Variants in PPP2R2B observed in about 807,000 individuals in gnomAD.
The protein encoded by PPP2R2B is protein phosphatase 2 regulatory subunit Bbeta, also known as serine/threonine-protein phosphatase 2A 55 kDa regulatory subunit B beta isoform.
In PPP2R2B, 5 loss-of-function variants were observed where a neutral mutation model predicts 46.0. The observed-to-expected ratio is 0.11, with a 90% CI of 0.06 to 0.23. PPP2R2B has a LOEUF of 0.23. Ranked by LOEUF, PPP2R2B falls within the 10% of genes least tolerant of loss-of-function variation. The pLI, the probability that PPP2R2B is intolerant of heterozygous loss-of-function variation, is 1.00. For synonymous variants in PPP2R2B, 215 were observed against 206.7 expected, an observed-to-expected ratio of 1.04 and a Z score of -0.34; for missense variants, 367 against 575.0, an observed-to-expected ratio of 0.64 and a Z score of 3.70.
chr5:147,062,999 G>T, intron 2 of PPP2R2B, among the ~76,000 whole-genome samples: 2 of 115,458 alleles, frequency 1.7e-5, no homozygotes, highest in African/African-American at 6.4e-5. Flanking sequence ...AGGGAGGGAG[G>T]GGGGAAGAAG....
At chr5:146,843,349 T>A (rs1467973310) in intron 2 of PPP2R2B, among the ~76,000 whole-genome samples, 1 of 152,220 alleles carries the variant, frequency 6.6e-6, no homozygotes, top group East Asian at 1.9e-4. Flanking sequence ...CTTGGAAGCT[T>A]ACAATCAAAT....
At chr5:146,677,216 T>C (rs903642122) in intron 5 of PPP2R2B, among the ~76,000 whole-genome samples, 2 of 152,240 alleles carry the variant, frequency 1.3e-5, no homozygotes, top group African/African-American at 4.8e-5. Flanking sequence ...GACAGAGTTT[T>C]CGCTTTGTAT....
At chr5:147,043,026 GT>G (rs1474127918) in intron 1 of PPP2R2B, among the ~76,000 whole-genome samples, 4 of 152,076 alleles carry the variant, frequency 2.6e-5, no homozygotes, top group African/African-American at 9.7e-5. Context: ...GCTTGTTTGC[GT>G]TATTTCTAGG....
At chr5:146,724,542 G>A (rs79168900) in intron 2 of PPP2R2B, among the ~76,000 whole-genome samples, 252 of 152,220 alleles carry the variant, frequency 1.7e-3, no homozygotes, top group Non-Finnish European at 2.7e-3. Context: ...TAGTTGCAGT[G>A]AGAAAAATCT....
intron 2 of PPP2R2B, among the ~76,000 whole-genome samples, chr5:146,726,885 C>T (rs1414415681): frequency 6.6e-6 from 1 of 152,160 alleles, no homozygotes; most frequent in Non-Finnish European, 1.5e-5. Context: ...AAACCCAGTT[C>T]TGTGGCTATG....
At chr5:146,880,179 TTGTGTGTGTGTGTGTGTGTGTG>T (rs57151657), upstream of PPP2R2B, among the ~76,000 whole-genome samples, 1 of 138,158 alleles carries the variant, frequency 7.2e-6, no homozygotes. Flanking sequence ...CATAGTTATT[TTGTGTGTGTGTGTGTGTGTGTG>T]TGTGTGTGTG....
chr5:146,636,108 T>G (rs1317305859), intron 7 of PPP2R2B, among the ~76,000 whole-genome samples: 1 of 152,208 alleles, frequency 6.6e-6, no homozygotes, highest in Non-Finnish European at 1.5e-5. Context: ...CTTTCCTACC[T>G]TTATTCACAT....
At chr5:146,711,880 T>C (rs1780230249) in intron 2 of PPP2R2B, among the ~76,000 whole-genome samples, 1 of 152,170 alleles carries the variant, frequency 6.6e-6, no homozygotes, top group Non-Finnish European at 1.5e-5. Flanking sequence ...CAAAGAATTT[T>C]TTTTTTCCTA....
At chr5:146,825,292 C>T (rs1364057413) in intron 2 of PPP2R2B, among the ~76,000 whole-genome samples, 2 of 152,154 alleles carry the variant, frequency 1.3e-5, no homozygotes, top group South Asian at 2.1e-4. Flanking sequence ...AGGAGACACA[C>T]ATTCAGAAAT....
At chr5:146,987,540 A>T (rs1459351524) in intron 1 of PPP2R2B, among the ~76,000 whole-genome samples, 2 of 152,044 alleles carry the variant, frequency 1.3e-5, no homozygotes, top group Non-Finnish European at 2.9e-5. Context: ...TTTGCAATTA[A>T]AGTCAGGTTA....
At chr5:146,670,952 T>C (rs1246683063) in intron 5 of PPP2R2B, among the ~76,000 whole-genome samples, 1 of 152,202 alleles carries the variant, frequency 6.6e-6, no homozygotes, top group African/African-American at 2.4e-5. Flanking sequence ...TTTTAAATTC[T>C]AGCCAGATAG....
intron 4 of PPP2R2B, among the ~76,000 whole-genome samples, chr5:146,692,417 A>C (rs1233781276): frequency 2.0e-5 from 3 of 151,994 alleles, no homozygotes; most frequent in African/African-American, 7.3e-5. Context: ...CAGAACTCCC[A>C]TGAGAACTCC....
chr5:147,023,678 G>A (rs1755391197), intron 1 of PPP2R2B, among the ~76,000 whole-genome samples: 1 of 152,166 alleles, frequency 6.6e-6, no homozygotes, highest in African/African-American at 2.4e-5. Context: ...GTTTGAGTGG[G>A]TTAAGGGATA....
At chr5:146,590,288 G>C in intron 9 of PPP2R2B, 62 bp from the exon 10 acceptor site, 1 of 1,482,990 alleles carries the variant, frequency 6.7e-7, no homozygotes, top group Non-Finnish European at 9.1e-7. Context: ...TGGAGCAAAT[G>C]ATACCATGTT....
intron 5 of PPP2R2B, among the ~76,000 whole-genome samples, chr5:146,661,118 C>G (rs999458129): frequency 8.5e-5 from 13 of 152,110 alleles, no homozygotes; most frequent in African/African-American, 2.2e-4. Flanking sequence ...CAATTAGGAG[C>G]GATTTTGCCA....
chr5:146,789,921 G>C (rs1382022407), intron 2 of PPP2R2B, among the ~76,000 whole-genome samples: 1 of 152,178 alleles, frequency 6.6e-6, no homozygotes, highest in African/African-American at 2.4e-5. Context: ...CCAGATCAGG[G>C]AGACAGAGAA....
intron 5 of PPP2R2B, among the ~76,000 whole-genome samples, chr5:146,683,324 T>C (rs184927958): frequency 6.6e-6 from 1 of 152,332 alleles, no homozygotes; most frequent in Admixed American, 6.5e-5. Context: ...GATGCATATA[T>C]TAGGCATTCT....
chr5:146,745,710 A>G (rs1753148756), intron 2 of PPP2R2B, among the ~76,000 whole-genome samples: 1 of 152,204 alleles, frequency 6.6e-6, no homozygotes, highest in Non-Finnish European at 1.5e-5. Context: ...CTGTAATCTC[A>G]GCACTTTGGG....
In PPP2R2B at chr5:146,632,068, C is replaced by CCT. The variant is rs1554116656; in HGVS notation, c.790+6182_790+6183insAG. ...TACTATGGGCTGAGTTGTGCCCCCC[C>CCT]CCCCGCCCATTCATATATTGAAGTC... On this transcript the variant is annotated intron_variant, in intron 7 of 9. Coordinates refer to ENST00000394411, the MANE Select transcript of PPP2R2B (RefSeq NM_181675.4). Among the ~76,000 whole-genome samples the CCT allele has an allele frequency of 1.9e-3, 250 of 130,762 alleles. 5 individuals carry two copies. Among genetic ancestry groups the CCT allele is most frequent in the Admixed American group, 7.0e-3 (88 of 12,598 alleles). 85.8% of individuals were successfully genotyped at this position (130,762 alleles called of 152,430 possible). A position where few individuals can be genotyped will look rare whatever the true frequency, so the allele number is the denominator to read the frequency against.
Sources: allele counts gnomAD v4.1 joint callset (sites outside exome capture counted in the v4.1 genomes callset), GRCh38; gene constraint gnomAD v4.1.1; transcripts MANE v1.5; gene names NCBI Gene and HGNC (gene_info 2026-07-23, HGNC 2026-07-21).